The following ZNF106 variants were observed in gnomAD, a reference collection of about 807,000 sequenced individuals.
ZNF106 encodes SH3-domain binding protein 3.
In ZNF106, 67 loss-of-function variants were observed where a neutral mutation model predicts 195.1. That is an observed-to-expected ratio of 0.34 (90% CI 0.28 to 0.42). ZNF106 has a LOEUF of 0.42. ZNF106 is among the 10% of genes least tolerant of loss of function. The probability of loss-of-function intolerance (pLI) is 1.00; values close to 1 mark genes in which losing one functional copy is unlikely to be tolerated. For missense variants in ZNF106, 2,118 were observed against 2,304.5 expected (o/e 0.92, Z 1.66); for synonymous variants, 784 against 818.6 (o/e 0.96, Z 0.72).
chr15:42,473,446 G>A lies in ZNF106; in HGVS notation c.-32-1125C>T, dbSNP rs535673891. On this transcript the variant is annotated intron_variant, in intron 1 of 21. Transcript: ENST00000564754. ...ATTCTGGTGCACTTGCATTCCCCTCGTTGCTATTCTTTGTTCACATCACAG... is the reference window on the plus strand; with the variant it reads ...ATTCTGGTGCACTTGCATTCCCCTCATTGCTATTCTTTGTTCACATCACAG... Among the ~76,000 whole-genome samples the A allele has an allele frequency of 6.6e-5, 10 of 152,086 alleles. No homozygotes were observed. In the East Asian group the frequency reaches 1.2e-3, roughly 18 times the overall value.
intron 13 of ZNF106, among the ~76,000 whole-genome samples, chr15:42,435,958 C>CTTT (rs1216348787): frequency 7.1e-6 from 1 of 140,580 alleles, no homozygotes; most frequent in Admixed American, 7.1e-5. Context: ...GGTGTTGTTT[C>CTTT]TTTTTTTTTT....
rs1304923737 is a variant in ZNF106 at position 42,417,891 on chromosome 15, C to T, written c.5578G>A (p.Asp1860Asn). The T allele has an allele frequency of 1.9e-6, 3 of 1,614,032 alleles. No homozygotes were observed. Among genetic ancestry groups the T allele is most frequent in the African/African-American group, 1.3e-5 (1 of 75,008 alleles). ...GTCTGGAAGTTGGGATTAGTGTGGT[C>T]GGTCAGCAAGTGTTGTTTTAAATGA... ...VDHLKQHLLT[D>N]HTNPNFQTLK... Residue 1860 changes from aspartate (D) to asparagine (N), a missense_variant, in exon 21 of 22, where the codon GAC becomes AAC. By Grantham distance (23) the Asp-to-Asn change is conservative (BLOSUM62 1). Coordinates refer to ENST00000564754, the MANE Select transcript of ZNF106 (RefSeq NM_001366845.3).
At chr15:42,431,882 G>T (rs1207429724) in intron 14 of ZNF106, among the ~76,000 whole-genome samples, 1 of 152,002 alleles carries the variant, frequency 6.6e-6, no homozygotes, top group Non-Finnish European at 1.5e-5. Flanking sequence ...CCAAAGTGCT[G>T]GGATTACAGG....
At position 42,428,246 on chromosome 15, in the gene ZNF106, G is replaced by A. The variant is rs1183759037; in HGVS notation, c.4882-112C>T. On this transcript the variant is annotated intron_variant, in intron 14 of 21. Transcript: ENST00000564754. ...ATGACTCTTATGCGGAAGAAAGTGT[G>A]ACATCCTCTATTTTGTAGGGGACTA... 3.9e-6 allele frequency: 3 copies of A among 766,268 alleles called. No individual in the cohort carries two copies. In the African/African-American group the frequency reaches 5.2e-5, roughly 13 times the overall value. 47.5% of individuals were successfully genotyped at this position (766,268 alleles called of 1,614,324 possible).
At position 42,471,288 on chromosome 15, in the gene ZNF106, T is replaced by C. The variant is rs141375606; in HGVS notation, c.54+948A>G. On this transcript the variant is annotated intron_variant, in intron 2 of 21. Transcript: ENST00000564754. ...ACCTAGCCCATGATCCTCCCAGTTC[T>C]CTGCATTTCCAGTAACAATCAAGAG... Among the ~76,000 whole-genome samples the C allele has an allele frequency of 2.0e-5, 3 of 152,348 alleles. No individual in the cohort carries two copies. The East Asian group carries it at 5.8e-4, about 29-fold the overall frequency.
At chr15:42,470,499 C>T (rs992721031) in intron 2 of ZNF106, among the ~76,000 whole-genome samples, 1 of 151,930 alleles carries the variant, frequency 6.6e-6, no homozygotes, top group Non-Finnish European at 1.5e-5. Flanking sequence ...AAACTACAAC[C>T]AGCTTTTCCT....
intron 10 of ZNF106, among the ~76,000 whole-genome samples, chr15:42,440,974 A>C (rs2141322432): frequency 9.9e-6 from 1 of 100,792 alleles, no homozygotes; most frequent in Admixed American, 1.1e-4. Flanking sequence ...CAAAAAGCGA[A>C]ACTCTGTCTA....
At chr15:42,489,015 T>C (rs1463074461) in intron 1 of ZNF106, among the ~76,000 whole-genome samples, 1 of 143,844 alleles carries the variant, frequency 7.0e-6, no homozygotes, top group African/African-American at 2.6e-5. Context: ...GAAGCGGAGG[T>C]TGCAGTGAGC....
chr15:42,471,499 G>A (rs1458030081), intron 2 of ZNF106, among the ~76,000 whole-genome samples: 1 of 152,138 alleles, frequency 6.6e-6, no homozygotes, highest in Non-Finnish European at 1.5e-5. Context: ...ACAGGCCCGA[G>A]GCAGGTGAAA....
rs1465924459 is a variant in ZNF106 at position 42,451,311 on chromosome 15, A to T, written c.961T>A (p.Ser321Thr). 6.2e-7 allele frequency: 1 copy of T among 1,614,150 alleles called. No individual in the cohort carries two copies. The highest frequency in any genetic ancestry group is 8.5e-7 in the Non-Finnish European group (1 of 1,179,994). ...LGTVATYRGP[S>T]EGFTSDKFPS... Reference sequence around the variant, plus strand: ...AATTTATCACTTGTAAATCCTTCAGAAGGACCTCTATATGTGGCAACTGTA... The same window carrying T: ...AATTTATCACTTGTAAATCCTTCAGTAGGACCTCTATATGTGGCAACTGTA... The change falls in exon 5 of 22, where the codon TCT becomes ACT. Residue 321 changes from serine to threonine, a missense_variant. Ser to Thr is a moderately conservative substitution (Grantham distance 58). Transcript: ENST00000564754.
intron 20 of ZNF106, among the ~76,000 whole-genome samples, chr15:42,420,578 T>C (rs1053983247): frequency 6.6e-6 from 1 of 152,178 alleles, no homozygotes; most frequent in African/African-American, 2.4e-5. Context: ...GCTACCATTG[T>C]TAGAACTGAC....
rs200298221 is a variant in ZNF106 at position 42,474,543 on chromosome 15, G to A, written c.-32-2222C>T. On this transcript the variant is annotated intron_variant, in intron 1 of 21. Transcript: ENST00000564754. ...GGAGGCTGAGGTGATAGGATCACTT[G>A]AGGACAGGAGTTCAACACCAGTCTG... 4.6e-5 allele frequency among the ~76,000 whole-genome samples: 7 copies of A among 152,134 alleles called. No individual in the cohort carries two copies. The East Asian group carries it at 1.4e-3, about 29-fold the overall frequency.
At chr15:42,428,361 A>G (rs893443705) in intron 14 of ZNF106, among the ~76,000 whole-genome samples, 1 of 152,216 alleles carries the variant, frequency 6.6e-6, no homozygotes, top group African/African-American at 2.4e-5. Context: ...TAGTAATGTT[A>G]CCCATGTTTC....
rs1422617542 is a variant in ZNF106, at chr15:42,466,128, G to T, written c.55-14C>A. On this transcript the variant is annotated splice_polypyrimidine_tract_variant and intron_variant, in intron 2 of 21. Coordinates refer to ENST00000564754, the MANE Select transcript of ZNF106 (RefSeq NM_001366845.3). ...TTCGTCCATCTCCTTCAAAATAAAA[G>T]AAAGTAGATTAAAACTAAGCAGGAT... 6.7e-7 allele frequency: 1 copy of T among 1,501,302 alleles called. No homozygotes were observed. Among genetic ancestry groups the T allele is most frequent in the Non-Finnish European group, 8.9e-7 (1 of 1,129,620 alleles). 93.0% of individuals were successfully genotyped at this position (1,501,302 alleles called of 1,614,324 possible). A position where few individuals can be genotyped will look rare whatever the true frequency, so the allele number is the denominator to read the frequency against.
chr15:42,473,343 A>G (rs2056719851), intron 1 of ZNF106, among the ~76,000 whole-genome samples: 1 of 152,188 alleles, frequency 6.6e-6, no homozygotes. Flanking sequence ...CAGAAAACCT[A>G]GTCTTTGCCA....
At chr15:42,447,021 A>C (rs966318572) in intron 6 of ZNF106, among the ~76,000 whole-genome samples, 118 of 152,254 alleles carry the variant, frequency 7.8e-4, no homozygotes, top group African/African-American at 2.6e-3. Context: ...TTTAAATTTC[A>C]GCAAGAAAAC....
At chr15:42,455,545 AC>A (rs2056197951) in intron 4 of ZNF106, among the ~76,000 whole-genome samples, 1 of 152,098 alleles carries the variant, frequency 6.6e-6, no homozygotes, top group East Asian at 1.9e-4. Context: ...TGTTCAAAAA[AC>A]TTTTTTTTAA....
At chr15:42,467,632 A>C (rs1231829805) in intron 2 of ZNF106, among the ~76,000 whole-genome samples, 4 of 151,762 alleles carry the variant, frequency 2.6e-5, no homozygotes, top group African/African-American at 9.7e-5. Context: ...TACTAAAAAT[A>C]CAAAATCCAA....
rs1407486815 is a variant in ZNF106, at chr15:42,485,355, C to T, written c.-33+5625G>A. 2.6e-5 allele frequency among the ~76,000 whole-genome samples: 4 copies of T among 152,148 alleles called. No homozygotes were observed. The South Asian group carries it at 6.2e-4, about 24-fold the overall frequency. ...TTTCATCTAGCTATTCCACAAGGTA[C>T]AGCAGGTCCTCAAAAAATGCTGTTT... is the stretch of plus-strand genomic sequence containing the variant. On this transcript the variant is annotated intron_variant, in intron 1 of 21. Coordinates refer to ENST00000564754, the MANE Select transcript of ZNF106 (RefSeq NM_001366845.3).
Sources: gnomAD v4.1 joint callset for allele counts (sites outside exome capture counted in the v4.1 genomes callset) on GRCh38, gnomAD v4.1.1 for gene constraint, MANE v1.5 for transcripts, NCBI Gene and HGNC (gene_info 2026-07-23, HGNC 2026-07-21) for gene names.